The following PIP4K2A variants were observed in gnomAD, a reference collection of about 807,000 sequenced individuals.
The protein encoded by PIP4K2A is phosphatidylinositol 5-phosphate 4-kinase type-2 alpha.
Under a neutral mutation model 42.9 loss-of-function variants are expected in PIP4K2A, and 14 were observed. The observed-to-expected ratio is 0.33, with a 90% CI of 0.22 to 0.51. The LOEUF is 0.51. Ranked by LOEUF, PIP4K2A falls within the 20% of genes least tolerant of loss-of-function variation. PIP4K2A has a pLI of 0.97. For missense variants in PIP4K2A, 434 were observed against 519.8 expected (o/e 0.83, Z 1.61); for synonymous variants, 192 against 192.2 (o/e 1.00, Z 0.01).
intron 1 of PIP4K2A, among the ~76,000 whole-genome samples, chr10:22,619,203 C>A (rs1476204220): frequency 6.6e-6 from 1 of 152,034 alleles, no homozygotes; most frequent in Non-Finnish European, 1.5e-5. Flanking sequence ...ATGATTCAGG[C>A]ATGTAGCCCA....
chr10:22,591,062 G>C (rs1837498665), intron 4 of PIP4K2A, among the ~76,000 whole-genome samples: 1 of 152,216 alleles, frequency 6.6e-6, no homozygotes, highest in African/African-American at 2.4e-5. Flanking sequence ...AGGAGAGACA[G>C]ATTGCTGCTC....
intron 4 of PIP4K2A, among the ~76,000 whole-genome samples, chr10:22,588,429 T>G (rs1588645955): frequency 6.6e-6 from 1 of 152,208 alleles, no homozygotes; most frequent in African/African-American, 2.4e-5. Context: ...CAAGACCACT[T>G]ACATTTCTCC....
intron 4 of PIP4K2A, among the ~76,000 whole-genome samples, chr10:22,584,038 T>C (rs1837337271): frequency 6.6e-6 from 1 of 152,224 alleles, no homozygotes; most frequent in Non-Finnish European, 1.5e-5. Context: ...ACATAAGCTT[T>C]GATCCTGATC....
intron 1 of PIP4K2A, among the ~76,000 whole-genome samples, chr10:22,677,703 G>C (rs1349797691): frequency 6.6e-6 from 1 of 152,210 alleles, no homozygotes; most frequent in African/African-American, 2.4e-5. Context: ...CCACTTGTCA[G>C]TTTCCTACAA....
chr10:22,594,860 C>G (rs1174350916), intron 3 of PIP4K2A, among the ~76,000 whole-genome samples: 1 of 152,202 alleles, frequency 6.6e-6, no homozygotes, highest in Admixed American at 6.5e-5. Flanking sequence ...TCAGCCATGT[C>G]TTCACCCTGG....
chr10:22,679,092 T>C (rs1238046233), intron 1 of PIP4K2A, among the ~76,000 whole-genome samples: 1 of 152,134 alleles, frequency 6.6e-6, no homozygotes, highest in Non-Finnish European at 1.5e-5. Flanking sequence ...GTGGACTATA[T>C]CAAAATTTAC....
At chr10:22,598,609 C>T (rs1837683585) in intron 3 of PIP4K2A, among the ~76,000 whole-genome samples, 1 of 152,148 alleles carries the variant, frequency 6.6e-6, no homozygotes. Context: ...ACAGAATGGA[C>T]CCAGGAAGCA....
chr10:22,700,561 C>A (rs536168566), intron 1 of PIP4K2A, among the ~76,000 whole-genome samples: 1 of 152,302 alleles, frequency 6.6e-6, no homozygotes, highest in South Asian at 2.1e-4. Flanking sequence ...GAAAATGAGC[C>A]TCCTCTGTGC....
chr10:22,592,388 A>C (rs1837531160), intron 3 of PIP4K2A, among the ~76,000 whole-genome samples: 1 of 152,178 alleles, frequency 6.6e-6, no homozygotes, highest in African/African-American at 2.4e-5. Flanking sequence ...AAACTACTCA[A>C]CTAGTAAAGT....
In PIP4K2A at chr10:22,609,605, C is replaced by G; in HGVS notation, c.242+15G>C. The stretch of plus-strand genomic sequence containing the variant: ...CAGCCACGCTAGTCTTATGAAAGGT[C>G]ATACTTGTACTTACTTGTTAAAAAG... On this transcript the variant is annotated intron_variant, in intron 2 of 9. Coordinates refer to ENST00000376573, the MANE Select transcript of PIP4K2A (RefSeq NM_005028.5). 2.1e-6 allele frequency: 3 copies of G among 1,410,624 alleles called. No individual in the cohort carries two copies. Among genetic ancestry groups the G allele is most frequent in the Non-Finnish European group, 2.0e-6 (2 of 996,708 alleles). The allele number at this position is 1,410,624 out of a possible 1,614,324, so 87.4% of individuals were successfully genotyped here. A position where few individuals can be genotyped will look rare whatever the true frequency, so the allele number is the denominator to read the frequency against.
chr10:22,551,354 C>G (rs1014632850), intron 6 of PIP4K2A, among the ~76,000 whole-genome samples: 8 of 152,204 alleles, frequency 5.3e-5, no homozygotes, highest in African/African-American at 1.9e-4. Flanking sequence ...AGGAAATTCT[C>G]TTCTCATTTG....
intron 1 of PIP4K2A, among the ~76,000 whole-genome samples, chr10:22,657,315 C>A (rs1026929732): frequency 6.6e-6 from 1 of 152,188 alleles, no homozygotes; most frequent in Non-Finnish European, 1.5e-5. Context: ...CTGGGAATAA[C>A]CCCAAAGCAC....
intron 1 of PIP4K2A, among the ~76,000 whole-genome samples, chr10:22,681,438 C>T (rs1010134302): frequency 2.0e-5 from 3 of 152,210 alleles, no homozygotes; most frequent in Non-Finnish European, 4.4e-5. Context: ...CCTTGAGAGG[C>T]CCAGGCAGGA....
At chr10:22,601,138 AAAAAAAAAAAAAAAAAAAAAAAAAAC>A (rs1391924786) in intron 3 of PIP4K2A, among the ~76,000 whole-genome samples, 1 of 117,222 alleles carries the variant, frequency 8.5e-6, no homozygotes, top group African/African-American at 3.4e-5. Context: ...CTCAAAAAAA[AAAAAAAAAAAAAAAAAAAAAAAAAAC>A]AAACCAGGAA....
At chr10:22,608,121 G>A (rs1020711821) in intron 2 of PIP4K2A, 98 bp from the exon 3 acceptor site, 1 of 717,202 alleles carries the variant, frequency 1.4e-6, no homozygotes, top group African/African-American at 1.8e-5. Context: ...AGGGTTCAGA[G>A]TTCACTGCCT....
chr10:22,683,083 C>A lies in PIP4K2A; in HGVS notation c.144+31100G>T, dbSNP rs368196915. Among the ~76,000 whole-genome samples the A allele has an allele frequency of 4.4e-3, 384 of 87,606 alleles. 5 individuals carry two copies. The highest frequency in any genetic ancestry group is 0.036 in the African/African-American group (355 of 9,906). The allele number at this position is 87,606 out of a possible 152,430, so 57.5% of individuals were successfully genotyped here. ...AGAAAAACAACAACAACAACAACAA[C>A]AACAAAAACAGCTGACACGACAGTA... On this transcript the variant is annotated intron_variant, in intron 1 of 9. Transcript: ENST00000376573.
chr10:22,550,265 A>C (rs1248096132), intron 7 of PIP4K2A, among the ~76,000 whole-genome samples: 1 of 152,236 alleles, frequency 6.6e-6, no homozygotes, highest in Admixed American at 6.5e-5. Context: ...CAAGACTGTA[A>C]TAGTGACTGA....
intron 7 of PIP4K2A, among the ~76,000 whole-genome samples, chr10:22,543,873 CG>C (rs1049241695): frequency 5.1e-4 from 77 of 152,220 alleles, no homozygotes; most frequent in Middle Eastern, 6.8e-3. Context: ...CTGGGCACTC[CG>C]GGGTATAGGG....
chr10:22,547,823 A>G lies in PIP4K2A; in HGVS notation c.792+2836T>C, dbSNP rs142104617. On this transcript the variant is annotated intron_variant, in intron 7 of 9. Coordinates refer to ENST00000376573, the MANE Select transcript of PIP4K2A (RefSeq NM_005028.5). The stretch of plus-strand genomic sequence containing the variant: ...ATCTGTGTGTGTGTTTGTGTGCAGA[A>G]AAAGACTCACCTGTGTTACGTGCAA... Among the ~76,000 whole-genome samples, 663 of 152,328 alleles carry G rather than the reference A, an allele frequency of 4.4e-3. 6 individuals carry two copies. The highest frequency in any genetic ancestry group is 4.9e-3 in the Non-Finnish European group (335 of 68,028).
Sources: gnomAD v4.1 joint callset for allele counts (sites outside exome capture counted in the v4.1 genomes callset) on GRCh38, gnomAD v4.1.1 for gene constraint, MANE v1.5 for transcripts, NCBI Gene and HGNC (gene_info 2026-07-23, HGNC 2026-07-21) for gene names.